Variants in KCNJ9 observed in about 807,000 individuals in gnomAD.
The protein encoded by KCNJ9 is G protein-activated inward rectifier potassium channel 3.
Under a neutral mutation model 27.9 loss-of-function variants are expected in KCNJ9, and 18 were observed. That is an observed-to-expected ratio of 0.65 (90% CI 0.45 to 0.96). The LOEUF (loss-of-function observed/expected upper bound fraction) is 0.96. Among genes scored for constraint, KCNJ9 ranks in the 40% least tolerant of loss-of-function variants. The pLI is 0.00. For synonymous variants in KCNJ9, 229 were observed against 248.2 expected (o/e 0.92, Z 0.73); for missense variants, 324 against 557.5 (o/e 0.58, Z 4.22).
rs1649875331 is a variant in KCNJ9 at position 160,090,316 on chromosome 1, ACT to A, written c.*2501_*2502del. ...CCATTGCAGCTGAACAAGCAGAGAA[ACT>A]CAGTCTGGAAAGGCCCCTCCTGCCT... On this transcript the variant is annotated 3_prime_UTR_variant, in exon 3 of 3. Coordinates refer to ENST00000368088, the MANE Select transcript of KCNJ9 (RefSeq NM_004983.3). 2 of 152,392 alleles carry A rather than the reference ACT, an allele frequency of 1.3e-5. No individual in the cohort carries two copies. The highest frequency in any genetic ancestry group is 4.2e-4 in the South Asian group (2 of 4,802). The allele number at this position is 152,392 out of a possible 1,614,324, so 9.4% of individuals were successfully genotyped here.
At position 160,088,541 on chromosome 1, in the gene KCNJ9, T is replaced by G. The variant is rs1649828833; in HGVS notation, c.*724T>G. Reference sequence around the variant, plus strand: ...AGGCAGAGCGGGGAGGTGCCTGAGCTGGGGCCTGGAGAGGGGCCTGGGAAA... The same window carrying G: ...AGGCAGAGCGGGGAGGTGCCTGAGCGGGGGCCTGGAGAGGGGCCTGGGAAA... On this transcript the variant is annotated 3_prime_UTR_variant, in exon 3 of 3. Transcript: ENST00000368088. The G allele has an allele frequency of 1.3e-5, 2 of 152,638 alleles. No individual in the cohort carries two copies. The highest frequency in any genetic ancestry group is 3.8e-4 in the East Asian group (2 of 5,210). The allele number at this position is 152,638 out of a possible 1,614,324, so 9.5% of individuals were successfully genotyped here. A position where few individuals can be genotyped will look rare whatever the true frequency, so the allele number is the denominator to read the frequency against.
intron 1 of KCNJ9, among the ~76,000 whole-genome samples, chr1:160,082,984 G>T (rs1201289926): frequency 6.6e-6 from 1 of 152,130 alleles, no homozygotes; most frequent in East Asian, 1.9e-4. Flanking sequence ...GTAAGAGGCT[G>T]GGGGAAAATA....
chr1:160,084,044 A>T lies in KCNJ9; in HGVS notation c.14A>T (p.Asn5Ile). The T allele has an allele frequency of 2.0e-6, 3 of 1,510,534 alleles. No individual in the cohort carries two copies. The highest frequency in any genetic ancestry group is 1.2e-5 in the South Asian group (1 of 81,592). The allele number at this position is 1,510,534 out of a possible 1,614,324, so 93.6% of individuals were successfully genotyped here. The change falls in exon 2 of 3, where the codon AAC (asparagine) becomes ATC (isoleucine). Residue 5 changes from asparagine (N) to isoleucine (I), a missense_variant. By Grantham distance (149) the Asn-to-Ile change is moderately radical. This residue lies in a region of KCNJ9 where 32 missense variants were observed against 31.7 expected (regional missense o/e 1.01). Transcript: ENST00000368088. ...GACGCGGCCGCCATGGCGCAGGAGAACGCGGCCTTCTCGCCCGGGCAGGAG... is the reference window on the plus strand; with the variant it reads ...GACGCGGCCGCCATGGCGCAGGAGATCGCGGCCTTCTCGCCCGGGCAGGAG... MAQE[N>I]AAFSPGQEEP...
rs1371767294 is a variant in KCNJ9 at position 160,087,869 on chromosome 1, G to A, written c.*52G>A. 7.1e-7 allele frequency: 1 copy of A among 1,408,720 alleles called. No individual in the cohort carries two copies. 87.3% of individuals were successfully genotyped at this position (1,408,720 alleles called of 1,614,324 possible). ...GACCGGGGGCCAGACACAGATACATGGGGAACTGCATATCGGAGGTGGTGG... is the reference window on the plus strand; with the variant it reads ...GACCGGGGGCCAGACACAGATACATAGGGAACTGCATATCGGAGGTGGTGG... On this transcript the variant is annotated 3_prime_UTR_variant, in exon 3 of 3. Coordinates refer to ENST00000368088, the MANE Select transcript of KCNJ9 (RefSeq NM_004983.3).
intron 1 of KCNJ9, among the ~76,000 whole-genome samples, 169 bp downstream of exon 1, chr1:160,081,866 G>A (rs2101943682): frequency 6.6e-6 from 1 of 152,304 alleles, no homozygotes; most frequent in Admixed American, 6.5e-5. Context: ...CAGGAAAAGT[G>A]GTATTGCAAT....
At position 160,084,697 on chromosome 1, in the gene KCNJ9, C is replaced by T. The variant is rs1356706458; in HGVS notation, c.667C>T (p.Leu223=). Residue 223 remains leucine, a synonymous_variant, in exon 2 of 3, where the codon CTG becomes TTG. Transcript: ENST00000368088. ...GACGCTGGAGGGCGAGTTCATCCCG[C>T]TGCACCAGACCGACCTCAGCGTGGG... ...RQTLEGEFIP[L]HQTDLSVGFD... is the part of the protein sequence containing the mutation. 6.3e-7 allele frequency: 1 copy of T among 1,592,226 alleles called. No homozygotes were observed. Among genetic ancestry groups the T allele is most frequent in the Non-Finnish European group, 8.6e-7 (1 of 1,169,176 alleles).
In KCNJ9 at chr1:160,084,084, CCGCGGCCGCCAGCG is replaced by C; in HGVS notation, c.56_69del (p.Arg19LeufsTer304). ...CCGGGCAGGAGGAGCCGCCGCGGCGCCGCGGCCGCCAGCGCTACGTGGAGAAGGATGGCCGGTGC... is the reference window on the plus strand; with the variant it reads ...CCGGGCAGGAGGAGCCGCCGCGGCGCCTACGTGGAGAAGGATGGCCGGTGC... On this transcript the variant is annotated frameshift_variant, in exon 2 of 3. Coordinates refer to ENST00000368088, the MANE Select transcript of KCNJ9 (RefSeq NM_004983.3). LOFTEE classifies it high-confidence loss of function. The C allele has an allele frequency of 6.5e-7, 1 of 1,538,238 alleles. No homozygotes were observed. The highest frequency in any genetic ancestry group is 1.2e-5 in the South Asian group (1 of 83,968).
In KCNJ9 at chr1:160,088,218, C is replaced by CA. The variant is rs145891387; in HGVS notation, c.*404dup. 0.022 allele frequency: 3,876 copies of CA among 173,426 alleles called. 172 individuals are homozygous for CA. Among genetic ancestry groups the CA allele is most frequent in the African/African-American group, 0.088 (3,720 of 42,372 alleles). The allele number at this position is 173,426 out of a possible 1,614,324, so 10.7% of individuals were successfully genotyped here. On this transcript the variant is annotated 3_prime_UTR_variant, in exon 3 of 3. Coordinates refer to ENST00000368088, the MANE Select transcript of KCNJ9 (RefSeq NM_004983.3). ...CACTAACCTGTAGAACACCCCTGTG[C>CA]AAATTTTAAAAAGGAACCCTTTTCC...
intron 1 of KCNJ9, among the ~76,000 whole-genome samples, chr1:160,082,174 C>A (rs368677071): frequency 6.6e-6 from 1 of 152,192 alleles, no homozygotes; most frequent in African/African-American, 2.4e-5. Context: ...CTAGGCAAGC[C>A]GACTGGGGGT....
At chr1:160,081,999 TTTTCC>T (rs1282351678) in intron 1 of KCNJ9, among the ~76,000 whole-genome samples, 1 of 152,178 alleles carries the variant, frequency 6.6e-6, no homozygotes, top group Non-Finnish European at 1.5e-5. Context: ...AATTTCACAC[TTTTCC>T]TTCCCCTGAG....
rs1649846172 is a variant in KCNJ9 at position 160,089,310 on chromosome 1, C to T, written c.*1493C>T. On this transcript the variant is annotated 3_prime_UTR_variant, in exon 3 of 3. Transcript: ENST00000368088. Reference sequence around the variant, plus strand: ...TTATGTGTGGGAAAGGGACCCGAAGCCCAGGCTGAAGAGTTTAACTTTGGG... The same window carrying T: ...TTATGTGTGGGAAAGGGACCCGAAGTCCAGGCTGAAGAGTTTAACTTTGGG... 6.6e-6 allele frequency: 1 copy of T among 152,228 alleles called. No homozygotes were observed. Among genetic ancestry groups the T allele is most frequent in the Non-Finnish European group, 1.5e-5 (1 of 68,090 alleles). 9.4% of individuals were successfully genotyped at this position (152,228 alleles called of 1,614,324 possible).
At position 160,088,738 on chromosome 1, in the gene KCNJ9, TG is replaced by T. The variant is rs1649832989; in HGVS notation, c.*925del. 6.6e-6 allele frequency: 1 copy of T among 152,132 alleles called. No individual in the cohort carries two copies. The highest frequency in any genetic ancestry group is 1.5e-5 in the Non-Finnish European group (1 of 68,028). 9.4% of individuals were successfully genotyped at this position (152,132 alleles called of 1,614,324 possible). On this transcript the variant is annotated 3_prime_UTR_variant, in exon 3 of 3. Coordinates refer to ENST00000368088, the MANE Select transcript of KCNJ9 (RefSeq NM_004983.3). ...AGCCCCTAGGAAAGCAGTGTGTCCT[TG>T]GGGCACAGTCATTCACATCACTGAT...
At chr1:160,085,905 C>T (rs1356824331) in intron 2 of KCNJ9, among the ~76,000 whole-genome samples, 1 of 152,214 alleles carries the variant, frequency 6.6e-6, no homozygotes, top group African/African-American at 2.4e-5. Context: ...GGCTGAGACT[C>T]CGCTTCACAC....
chr1:160,083,557 T>C (rs1225924973), intron 1 of KCNJ9, among the ~76,000 whole-genome samples: 1 of 152,096 alleles, frequency 6.6e-6, no homozygotes, highest in Non-Finnish European at 1.5e-5. Context: ...AAGCCCCCAG[T>C]CTATTGATTT....
chr1:160,084,753 C>G lies in KCNJ9; in HGVS notation c.723C>G (p.Leu241=), dbSNP rs749299338. The change falls in exon 2 of 3, where the codon CTC becomes CTG. Residue 241 remains leucine, a synonymous_variant. Transcript: ENST00000368088. The part of the protein sequence containing the change: ...GFDTGDDRLF[L]VSPLVISHEI... ...ACACGGGAGACGACCGCCTCTTCCT[C>G]GTCTCGCCGCTGGTTATCAGCCACG... 6.4e-7 allele frequency: 1 copy of G among 1,572,112 alleles called. No individual in the cohort carries two copies. The highest frequency in any genetic ancestry group is 8.6e-7 in the Non-Finnish European group (1 of 1,159,100).
chr1:160,087,284 G>T (rs1649792366), intron 2 of KCNJ9, among the ~76,000 whole-genome samples: 1 of 152,114 alleles, frequency 6.6e-6, no homozygotes, highest in African/African-American at 2.4e-5. Flanking sequence ...GACATTAAGA[G>T]GAGTTGGGGC....
Position 160,090,006 on chromosome 1 carries a change from G to C in KCNJ9, c.*2189G>C. The stretch of plus-strand genomic sequence containing the variant: ...ATGGGTCCTCTGGAAGCAAGAAAGG[G>C]GGCCATGGAAGCAGCCCAGACAGCT... On this transcript the variant is annotated 3_prime_UTR_variant, in exon 3 of 3. Transcript: ENST00000368088. 1 of 152,338 alleles carries C rather than the reference G, an allele frequency of 6.6e-6. No individual in the cohort carries two copies. The highest frequency in any genetic ancestry group is 1.9e-4 in the East Asian group (1 of 5,200). 9.4% of individuals were successfully genotyped at this position (152,338 alleles called of 1,614,324 possible).
Position 160,087,837 on chromosome 1 carries a change from T to C in KCNJ9, c.*20T>C. The C allele has an allele frequency of 7.0e-7, 1 of 1,420,572 alleles. No individual in the cohort carries two copies. Among genetic ancestry groups the C allele is most frequent in the Non-Finnish European group, 9.2e-7 (1 of 1,087,192 alleles). The allele number at this position is 1,420,572 out of a possible 1,614,324, so 88.0% of individuals were successfully genotyped here. On this transcript the variant is annotated 3_prime_UTR_variant, in exon 3 of 3. Coordinates refer to ENST00000368088, the MANE Select transcript of KCNJ9 (RefSeq NM_004983.3). ...GTGTGACCAGCTTCCTCCAGACCCC[T>C]GTGGCAGACCGGGGGCCAGACACAG...
At chr1:160,083,889 G>C in intron 1 of KCNJ9, 28 bp from the exon 2 acceptor site, 1 of 714,380 alleles carries the variant, frequency 1.4e-6, no homozygotes, top group Non-Finnish European at 1.9e-6. Flanking sequence ...CTCCCGAGGG[G>C]CCACTCATTC....
Sources: allele counts gnomAD v4.1 joint callset (sites outside exome capture counted in the v4.1 genomes callset), GRCh38; gene constraint gnomAD v4.1.1; regional missense constraint gnomAD v4.1.1; transcripts MANE v1.5; gene names NCBI Gene and HGNC (gene_info 2026-07-23, HGNC 2026-07-21).